DMC1: variants seen among roughly 807,000 people sequenced by gnomAD.
DMC1 encodes meiotic recombination protein DMC1 homolog.
In DMC1, 27 loss-of-function variants were observed where a neutral mutation model predicts 50.1. That is an observed-to-expected ratio of 0.54 (90% CI 0.40 to 0.74). The LOEUF is 0.74. Ranked by LOEUF, DMC1 falls within the 30% of genes least tolerant of loss-of-function variation. The probability of loss-of-function intolerance (pLI) is 0.00; values close to 1 mark genes in which losing one functional copy is unlikely to be tolerated. For missense variants in DMC1, 295 were observed against 420.2 expected (o/e 0.70, Z 2.60); for synonymous variants, 148 against 136.1 (o/e 1.09, Z -0.61).
intron 5 of DMC1, among the ~76,000 whole-genome samples, chr22:38,555,820 A>T (rs1446322054): frequency 6.6e-6 from 1 of 151,616 alleles, no homozygotes; most frequent in Non-Finnish European, 1.5e-5. Flanking sequence ...AGATCGTCTT[A>T]ATTATTATTA....
chr22:38,545,024 G>A (rs1380417331), intron 8 of DMC1, among the ~76,000 whole-genome samples: 1 of 152,110 alleles, frequency 6.6e-6, no homozygotes, highest in African/African-American at 2.4e-5. Context: ...ATGAAAAGGT[G>A]CTCAATGTCA....
In DMC1 at chr22:38,550,094, G is replaced by A. The variant is rs997517177; in HGVS notation, c.422-97C>T. On this transcript the variant is annotated intron_variant, in intron 7 of 13. Coordinates refer to ENST00000216024, the MANE Select transcript of DMC1 (RefSeq NM_007068.4). ...TGGAATCTGCTGTTGCAACTCTTTA[G>A]TACATTTTGCAAAGAGTCATGATCC... 10 of 857,272 alleles carry A rather than the reference G, an allele frequency of 1.2e-5. No homozygotes were observed. The African/African-American group carries it at 1.4e-4, about 12-fold the overall frequency. 53.1% of individuals were successfully genotyped at this position (857,272 alleles called of 1,614,324 possible).
At chr22:38,560,158 A>C (rs2090511645) in intron 5 of DMC1, among the ~76,000 whole-genome samples, 1 of 152,232 alleles carries the variant, frequency 6.6e-6, no homozygotes, top group African/African-American at 2.4e-5. Flanking sequence ...TTAGGAGGTT[A>C]TACTGTCAAA....
intron 5 of DMC1, among the ~76,000 whole-genome samples, chr22:38,555,719 A>ATAC (rs2090462576): frequency 6.6e-6 from 1 of 152,060 alleles, no homozygotes; most frequent in African/African-American, 2.4e-5. Flanking sequence ...AATAATAATA[A>ATAC]TAAATTATTT....
chr22:38,545,634 G>C (rs1389015476), intron 8 of DMC1: 11 of 152,170 alleles, frequency 7.2e-5, no homozygotes, highest in Admixed American at 6.6e-4. Flanking sequence ...TGTTAGCCAG[G>C]TTGGTCTCGA....
At chr22:38,564,478 T>C (rs2090561119) in intron 4 of DMC1, among the ~76,000 whole-genome samples, 1 of 152,070 alleles carries the variant, frequency 6.6e-6, no homozygotes, top group Admixed American at 6.5e-5. Context: ...CCTGGCTAAT[T>C]TTTGTATTTT....
At chr22:38,515,377 G>C (rs1436315061), downstream of DMC1, among the ~76,000 whole-genome samples, 1 of 151,352 alleles carries the variant, frequency 6.6e-6, no homozygotes, top group Non-Finnish European at 1.5e-5. Flanking sequence ...CTACTTGGGA[G>C]GCTGAAGCAG....
chr22:38,516,855 T>A (rs896054527), downstream of DMC1, among the ~76,000 whole-genome samples: 3 of 152,128 alleles, frequency 2.0e-5, no homozygotes, highest in Admixed American at 6.6e-5. Context: ...TGAGACAGGG[T>A]CTCACTGTCG....
intron 13 of DMC1, among the ~76,000 whole-genome samples, chr22:38,520,322 T>C (rs2090010768): frequency 6.6e-6 from 1 of 152,108 alleles, no homozygotes; most frequent in South Asian, 2.1e-4. Flanking sequence ...TACTCCAAAC[T>C]TGGAAACAGG....
intron 12 of DMC1, among the ~76,000 whole-genome samples, chr22:38,534,560 G>A (rs1388614053): frequency 1.3e-5 from 2 of 151,668 alleles, no homozygotes; most frequent in Non-Finnish European, 2.9e-5. Context: ...AAAATTAGCC[G>A]GCCATGGTGG....
At position 38,528,426 on chromosome 22, in the gene DMC1, A is replaced by G. The variant is rs376676214; in HGVS notation, c.837-6702T>C. On this transcript the variant is annotated intron_variant, in intron 12 of 13. Transcript: ENST00000216024. Reference sequence around the variant, plus strand: ...CCAGGAACTGTACCTGTTCACTTACATACATTTGTTCTATCCTTACGGCAA... The same window carrying G: ...CCAGGAACTGTACCTGTTCACTTACGTACATTTGTTCTATCCTTACGGCAA... Among the ~76,000 whole-genome samples the G allele has an allele frequency of 1.3e-4, 20 of 152,156 alleles. No individual in the cohort carries two copies. In the East Asian group the frequency reaches 3.7e-3, roughly 28 times the overall value.
At chr22:38,539,488 C>T in intron 8 of DMC1, 76 bp from the exon 9 acceptor site, 3 of 1,139,628 alleles carry the variant, frequency 2.6e-6, no homozygotes, top group Non-Finnish European at 4.0e-6. Flanking sequence ...AACATAATAT[C>T]TTCCGTAAAT....
At chr22:38,534,373 T>C (rs1373381099) in intron 12 of DMC1, among the ~76,000 whole-genome samples, 1 of 152,158 alleles carries the variant, frequency 6.6e-6, no homozygotes, top group Non-Finnish European at 1.5e-5. Flanking sequence ...TAATTTTCAG[T>C]GGTTCAGAAG....
At chr22:38,527,451 C>T (rs1406425222) in intron 12 of DMC1, among the ~76,000 whole-genome samples, 1 of 151,900 alleles carries the variant, frequency 6.6e-6, no homozygotes, top group Non-Finnish European at 1.5e-5. Flanking sequence ...GTGATCCGCC[C>T]ACCTCGGCCT....
chr22:38,555,504 GTATC>G (rs892374021), intron 5 of DMC1, 95 bp from the exon 6 acceptor site: 14 of 814,424 alleles, frequency 1.7e-5, no homozygotes, highest in Non-Finnish European at 2.5e-5. Context: ...TCCTATCTAT[GTATC>G]TATCTATCTA....
chr22:38,550,117 T>A (rs1190892653), intron 7 of DMC1, 120 bp from the exon 8 acceptor site: 2 of 698,350 alleles, frequency 2.9e-6, no homozygotes, highest in East Asian at 2.7e-5. Flanking sequence ...AGAGTCATGA[T>A]CCTTTCGTTT....
At chr22:38,554,974 C>T (rs886908550) in intron 6 of DMC1, among the ~76,000 whole-genome samples, 10 of 151,880 alleles carry the variant, frequency 6.6e-5, no homozygotes, top group Admixed American at 1.3e-4. Flanking sequence ...GTCCCAGCTA[C>T]TCGGGAGGCT....
chr22:38,560,138 A>T (rs2090511485), intron 5 of DMC1, among the ~76,000 whole-genome samples: 1 of 152,210 alleles, frequency 6.6e-6, no homozygotes, highest in Non-Finnish European at 1.5e-5. Flanking sequence ...AGGAAGACAG[A>T]GTATGAAAGT....
chr22:38,536,589 T>A (rs1370654062), intron 12 of DMC1, among the ~76,000 whole-genome samples: 2 of 152,186 alleles, frequency 1.3e-5, no homozygotes, highest in African/African-American at 2.4e-5. Context: ...TAAATATATC[T>A]CATGTATATC....
Sources: allele counts gnomAD v4.1 joint callset (sites outside exome capture counted in the v4.1 genomes callset), GRCh38; gene constraint gnomAD v4.1.1; transcripts MANE v1.5; gene names NCBI Gene and HGNC (gene_info 2026-07-23, HGNC 2026-07-21).